Variants in SRD5A2 observed in about 807,000 individuals in gnomAD.
SRD5A2 encodes the protein steroid 5 alpha-reductase 2.
A neutral mutation model predicts 27.4 loss-of-function variants in SRD5A2; 30 were observed. That is an observed-to-expected ratio of 1.10 (90% CI 0.82 to 1.49). The LOEUF is 1.49. Ranked by LOEUF, SRD5A2 falls within the 40% of genes most tolerant of loss-of-function variation. The probability of loss-of-function intolerance (pLI) is 0.00; values close to 1 mark genes in which losing one functional copy is unlikely to be tolerated. For missense variants in SRD5A2, 348 were observed against 323.4 expected, an observed-to-expected ratio of 1.08 and a Z score of -0.58; for synonymous variants, 141 against 133.6, an observed-to-expected ratio of 1.06 and a Z score of -0.38.
chr2:31,599,185 TGA>T, the SRD5A2 span, among the ~76,000 whole-genome samples: 38 of 151,838 alleles, frequency 2.5e-4, no homozygotes, highest in African/African-American at 8.2e-4. Context: ...AGAGCAAAAG[TGA>T]GAGAGGTCCC....
upstream of SRD5A2, among the ~76,000 whole-genome samples, chr2:31,585,175 T>G (rs925413555): frequency 1.3e-5 from 2 of 152,296 alleles, no homozygotes; most frequent in East Asian, 1.9e-4. Context: ...ACCTCACCAC[T>G]GAGGGCTGAA....
chr2:31,590,415 A>G, the SRD5A2 span, among the ~76,000 whole-genome samples: 12 of 152,106 alleles, frequency 7.9e-5, no homozygotes, highest in African/African-American at 2.7e-4. Flanking sequence ...TAGGATTCCT[A>G]GGTATTTTAT....
chr2:31,588,443 AC>A, the SRD5A2 span, among the ~76,000 whole-genome samples: 7 of 152,228 alleles, frequency 4.6e-5, no homozygotes, highest in African/African-American at 1.7e-4. Flanking sequence ...TAGAAACCTT[AC>A]CTTACAGGCA....
In SRD5A2 at chr2:31,523,357, G is replaced by A. The variant is rs887261690; in HGVS notation, c.*2839C>T. Reference sequence around the variant, plus strand: ...GCTATTTTTCTCCTGCATGAGCTCTGTAGAAATCCAGATGGCAGCCCTAAA... The same window carrying A: ...GCTATTTTTCTCCTGCATGAGCTCTATAGAAATCCAGATGGCAGCCCTAAA... On this transcript the variant is annotated 3_prime_UTR_variant, in exon 5 of 5. Coordinates refer to ENST00000622030, the MANE Select transcript of SRD5A2 (RefSeq NM_000348.4). 4.7e-6 allele frequency: 1 copy of A among 214,210 alleles called. No homozygotes were observed. The highest frequency in any genetic ancestry group is 9.4e-6 in the Non-Finnish European group (1 of 105,974). The allele number at this position is 214,210 out of a possible 1,614,324, so 13.3% of individuals were successfully genotyped here.
At chr2:31,622,350 A>T in the SRD5A2 span, among the ~76,000 whole-genome samples, 1 of 151,836 alleles carries the variant, frequency 6.6e-6, no homozygotes, top group Admixed American at 6.6e-5. Flanking sequence ...TATGTTCCAC[A>T]TTTTCTTTAT....
rs148767534 is a variant in SRD5A2 at position 31,567,410 on chromosome 2, A to C, written c.281+13210T>G. Among the ~76,000 whole-genome samples the C allele has an allele frequency of 6.4e-4, 96 of 150,746 alleles. 2 individuals carry two copies. In the East Asian group the frequency reaches 0.015, roughly 23 times the overall value. ...AAGTAAATTACTATTCAGTCAACTG[A>C]ACCTATTTAAAGGGTGCAATTTGGT... On this transcript the variant is annotated intron_variant, in intron 1 of 4. Transcript: ENST00000622030.
the SRD5A2 span, among the ~76,000 whole-genome samples, chr2:31,606,840 C>A: frequency 1.3e-5 from 2 of 151,828 alleles, no homozygotes; most frequent in African/African-American, 4.8e-5. Context: ...GTCAATTAAA[C>A]AATAGAAATT....
the SRD5A2 span, among the ~76,000 whole-genome samples, chr2:31,605,297 G>A: frequency 6.6e-6 from 1 of 151,686 alleles, no homozygotes; most frequent in African/African-American, 2.4e-5. Context: ...TGGACAAATG[G>A]GATCACAAAT....
chr2:31,586,114 G>A, the SRD5A2 span, among the ~76,000 whole-genome samples: 1 of 152,070 alleles, frequency 6.6e-6, no homozygotes, highest in Non-Finnish European at 1.5e-5. Context: ...TAAGTTCTTA[G>A]TGGTGATTTC....
chr2:31,539,144 TGA>T (rs1197860907), intron 1 of SRD5A2, among the ~76,000 whole-genome samples: 1 of 152,102 alleles, frequency 6.6e-6, no homozygotes, highest in Non-Finnish European at 1.5e-5. Flanking sequence ...AAAGCAAACA[TGA>T]GAAGATTCTA....
rs1450609762 is a variant in SRD5A2 at position 31,545,010 on chromosome 2, G to C, written c.282-11244C>G. ...ACCAAGACTAAATCATAAAGAAATAGAAAATTTGAAAAGACTTATAACTAG... is the reference window on the plus strand; with the variant it reads ...ACCAAGACTAAATCATAAAGAAATACAAAATTTGAAAAGACTTATAACTAG... On this transcript the variant is annotated intron_variant, in intron 1 of 4. Transcript: ENST00000622030. 2.0e-5 allele frequency among the ~76,000 whole-genome samples: 3 copies of C among 150,986 alleles called. No homozygotes were observed. The East Asian group carries it at 5.8e-4, about 29-fold the overall frequency.
At chr2:31,581,314 C>T (rs1476860239), upstream of SRD5A2, among the ~76,000 whole-genome samples, 11 of 152,170 alleles carry the variant, frequency 7.2e-5, no homozygotes, top group Non-Finnish European at 1.2e-4. Flanking sequence ...TGCCGTCGGT[C>T]ACCACGCAGT....
At chr2:31,599,999 G>C in the SRD5A2 span, among the ~76,000 whole-genome samples, 4 of 151,722 alleles carry the variant, frequency 2.6e-5, no homozygotes, top group Middle Eastern at 0.014. Flanking sequence ...TACACCTCAG[G>C]TAGGCCCCAG....
chr2:31,522,840 G>A lies in SRD5A2; in HGVS notation c.*3356C>T, dbSNP rs545179960. The A allele has an allele frequency of 4.5e-6, 1 of 222,812 alleles. No individual in the cohort carries two copies. Among genetic ancestry groups the A allele is most frequent in the African/African-American group, 2.2e-5 (1 of 44,868 alleles). 13.8% of individuals were successfully genotyped at this position (222,812 alleles called of 1,614,324 possible). A position where few individuals can be genotyped will look rare whatever the true frequency, so the allele number is the denominator to read the frequency against. ...CTCACAGCTTATTAGAGAACCAAAA[G>A]GCCAAGCGGGAAAAGAAATGAATCT... On this transcript the variant is annotated 3_prime_UTR_variant, in exon 5 of 5. Transcript: ENST00000622030.
chr2:31,607,571 A>G, the SRD5A2 span, among the ~76,000 whole-genome samples: 1 of 151,946 alleles, frequency 6.6e-6, no homozygotes. Flanking sequence ...AGGCAAAATA[A>G]GGACTTTTTC....
At chr2:31,550,901 T>G (rs1179532197) in intron 1 of SRD5A2, among the ~76,000 whole-genome samples, 3 of 151,870 alleles carry the variant, frequency 2.0e-5, no homozygotes, top group African/African-American at 7.2e-5. Flanking sequence ...AGAAAAAAAT[T>G]TATAGATTAG....
chr2:31,530,947 T>C (rs1410359694), intron 3 of SRD5A2, among the ~76,000 whole-genome samples: 1 of 152,234 alleles, frequency 6.6e-6, no homozygotes, highest in Non-Finnish European at 1.5e-5. Flanking sequence ...ACGCAAGTTC[T>C]AGCCTTAACT....
At chr2:31,625,922 A>G in the SRD5A2 span, among the ~76,000 whole-genome samples, 1 of 152,080 alleles carries the variant, frequency 6.6e-6, no homozygotes, top group Non-Finnish European at 1.5e-5. Context: ...CTTGATGGGG[A>G]TGGCATTGAA....
At chr2:31,565,017 T>C (rs746983129) in intron 1 of SRD5A2, among the ~76,000 whole-genome samples, 2 of 151,862 alleles carry the variant, frequency 1.3e-5, no homozygotes, top group Non-Finnish European at 2.9e-5. Flanking sequence ...TAGTAATAAG[T>C]TGAGGCTTTT....
Sources: allele counts gnomAD v4.1 joint callset (sites outside exome capture counted in the v4.1 genomes callset), GRCh38; gene constraint gnomAD v4.1.1; transcripts MANE v1.5; gene names NCBI Gene and HGNC (gene_info 2026-07-23, HGNC 2026-07-21).